The following ZNF804A variants were observed in gnomAD, a reference collection of about 807,000 sequenced individuals.
The protein encoded by ZNF804A is zinc finger protein 804A.
ZNF804A carries 2 observed loss-of-function variants against 16.5 expected under a neutral mutation model. The ratio of observed to expected loss-of-function variants is 0.12; its 90% confidence interval spans 0.05 to 0.38. The LOEUF is 0.38. Ranked by LOEUF, ZNF804A falls within the 10% of genes least tolerant of loss-of-function variation. The pLI is 0.99. For synonymous variants in ZNF804A, 534 were observed against 489.6 expected (o/e 1.09, Z -1.20); for missense variants, 1,473 against 1,390.7 (o/e 1.06, Z -0.94).
At chr2:184,775,500 A>T (rs1389348377) in intron 1 of ZNF804A, among the ~76,000 whole-genome samples, 1 of 151,712 alleles carries the variant, frequency 6.6e-6, no homozygotes, top group African/African-American at 2.4e-5. Context: ...TCGGTTCTAC[A>T]CTTCTACTTT....
intron 1 of ZNF804A, among the ~76,000 whole-genome samples, chr2:184,757,266 T>C (rs1574197612): frequency 6.6e-6 from 1 of 152,022 alleles, no homozygotes; most frequent in African/African-American, 2.4e-5. Flanking sequence ...TCAGGTTTGT[T>C]CCATGAATCA....
At chr2:184,633,904 T>A (rs1691653846) in intron 1 of ZNF804A, among the ~76,000 whole-genome samples, 1 of 152,132 alleles carries the variant, frequency 6.6e-6, no homozygotes. Flanking sequence ...TCTGCAAAAG[T>A]GAGATATTTT....
intron 1 of ZNF804A, among the ~76,000 whole-genome samples, chr2:184,649,857 A>G (rs1295536467): frequency 6.6e-6 from 1 of 150,696 alleles, no homozygotes; most frequent in Non-Finnish European, 1.5e-5. Context: ...GCCCAGGACC[A>G]GATGGATTCA....
At chr2:184,645,480 C>T (rs948765696) in intron 1 of ZNF804A, among the ~76,000 whole-genome samples, 2 of 151,902 alleles carry the variant, frequency 1.3e-5, no homozygotes, top group Admixed American at 6.6e-5. Context: ...AGGTGATGAA[C>T]GTTTTTAAAT....
chr2:184,935,729 T>A (rs897626286), intron 3 of ZNF804A, 54 bp from the exon 4 acceptor site: 1 of 1,430,346 alleles, frequency 7.0e-7, no homozygotes, highest in Non-Finnish European at 9.2e-7. Flanking sequence ...TATTTGACTA[T>A]TTTTTTTTCT....
At chr2:184,739,775 C>T (rs6736683) in intron 1 of ZNF804A, among the ~76,000 whole-genome samples, 181 of 152,284 alleles carry the variant, frequency 1.2e-3, no homozygotes, top group African/African-American at 4.0e-3. Context: ...TGTCCCAATA[C>T]TTTAATCTCC....
intron 1 of ZNF804A, among the ~76,000 whole-genome samples, chr2:184,657,145 C>T (rs982833348): frequency 5.3e-5 from 8 of 152,196 alleles, no homozygotes; most frequent in South Asian, 2.1e-4. Flanking sequence ...AGTGCAGTAG[C>T]GACATAATGG....
At chr2:184,624,636 A>G (rs1413117593) in intron 1 of ZNF804A, among the ~76,000 whole-genome samples, 1 of 152,178 alleles carries the variant, frequency 6.6e-6, no homozygotes, top group Non-Finnish European at 1.5e-5. Context: ...CTCCATTTGT[A>G]GTATTCTAAA....
chr2:184,832,521 T>C (rs573617990), intron 1 of ZNF804A, among the ~76,000 whole-genome samples: 14 of 152,028 alleles, frequency 9.2e-5, no homozygotes, highest in Non-Finnish European at 2.1e-4. Context: ...CTGGCCTAAA[T>C]ATTGGGTCCA....
At chr2:184,628,170 C>T (rs543492230) in intron 1 of ZNF804A, among the ~76,000 whole-genome samples, 3 of 152,098 alleles carry the variant, frequency 2.0e-5, no homozygotes, top group East Asian at 3.9e-4. Context: ...AAAAATTAAC[C>T]GGGCATGGTG....
chr2:184,894,213 A>G lies in ZNF804A; in HGVS notation c.255+27701A>G, dbSNP rs189365658. Among the ~76,000 whole-genome samples, 232 of 152,292 alleles carry G rather than the reference A, an allele frequency of 1.5e-3. 1 individual carries two copies. Among genetic ancestry groups the G allele is most frequent in the Middle Eastern group, 3.4e-3 (1 of 294 alleles). On this transcript the variant is annotated intron_variant, in intron 2 of 3. Coordinates refer to ENST00000302277, the MANE Select transcript of ZNF804A (RefSeq NM_194250.2). ...TAAAATCAAAGGTAACAAAACACTG[A>G]TGCTGCATTAAGCTTTACTCGGTGA...
chr2:184,835,285 C>T (rs147783387), intron 1 of ZNF804A, among the ~76,000 whole-genome samples: 1 of 152,136 alleles, frequency 6.6e-6, no homozygotes, highest in African/African-American at 2.4e-5. Flanking sequence ...CCAGGGCTAT[C>T]CCATTGGCAG....
intron 1 of ZNF804A, among the ~76,000 whole-genome samples, chr2:184,781,616 C>T (rs1263602530): frequency 1.3e-5 from 2 of 151,690 alleles, no homozygotes. Context: ...TGCTTGGAGT[C>T]AAAAGTGCTG....
chr2:184,914,762 CATA>C (rs1431932314), intron 2 of ZNF804A, among the ~76,000 whole-genome samples: 1 of 151,760 alleles, frequency 6.6e-6, no homozygotes, highest in African/African-American at 2.4e-5. Context: ...ACGTATATAG[CATA>C]ATATTATATT....
chr2:184,824,541 C>T (rs1007627584), intron 1 of ZNF804A, among the ~76,000 whole-genome samples: 19 of 151,622 alleles, frequency 1.3e-4, no homozygotes, highest in African/African-American at 3.6e-4. Context: ...CGCTCTCTTA[C>T]GTTTTATATT....
chr2:184,852,402 C>T (rs922846551), intron 1 of ZNF804A, among the ~76,000 whole-genome samples: 1 of 150,182 alleles, frequency 6.7e-6, no homozygotes, highest in Non-Finnish European at 1.5e-5. Context: ...TCTCTTCATC[C>T]TATTAATTGT....
At position 184,836,695 on chromosome 2, in the gene ZNF804A, ATAT is replaced by A. The variant is rs201608704; in HGVS notation, c.112-29672_112-29670del. Among the ~76,000 whole-genome samples the A allele has an allele frequency of 1.6e-3, 239 of 148,142 alleles. 1 individual carries two copies. The highest frequency in any genetic ancestry group is 3.8e-3 in the Admixed American group (56 of 14,906). On this transcript the variant is annotated intron_variant, in intron 1 of 3. Coordinates refer to ENST00000302277, the MANE Select transcript of ZNF804A (RefSeq NM_194250.2). ...GCTTTGTGTGTGTGTATATATATAT[ATAT>A]TTTTTTTTTATGATAGACTCCCTCA...
At chr2:184,863,532 T>C (rs756369620) in intron 1 of ZNF804A, among the ~76,000 whole-genome samples, 1 of 150,614 alleles carries the variant, frequency 6.6e-6, no homozygotes, top group Non-Finnish European at 1.5e-5. Context: ...TTATTGCTTC[T>C]CTAGAGGAAT....
chr2:184,730,789 T>C (rs970051175), intron 1 of ZNF804A, among the ~76,000 whole-genome samples: 1 of 152,116 alleles, frequency 6.6e-6, no homozygotes, highest in African/African-American at 2.4e-5. Flanking sequence ...AAGAACATCT[T>C]GGTTGCTTCC....
Sources: allele counts gnomAD v4.1 joint callset (sites outside exome capture counted in the v4.1 genomes callset), GRCh38; gene constraint gnomAD v4.1.1; transcripts MANE v1.5; gene names NCBI Gene and HGNC (gene_info 2026-07-23, HGNC 2026-07-21).